Variants in PLCB4 observed in about 807,000 individuals in gnomAD.
PLCB4 encodes phospholipase C beta 4.
A neutral mutation model predicts 178.8 loss-of-function variants in PLCB4; 77 were observed. That is an observed-to-expected ratio of 0.43 (90% confidence interval 0.36 to 0.52). PLCB4 has a LOEUF of 0.52. Ranked by LOEUF, PLCB4 falls within the 20% of genes least tolerant of loss-of-function variation. The pLI is 0.00. For synonymous variants in PLCB4, 496 were observed against 490.8 expected, an observed-to-expected ratio of 1.01 and a Z score of -0.14; for missense variants, 1,024 against 1,453.4, an observed-to-expected ratio of 0.70 and a Z score of 4.80.
chr20:9,220,702 C>A (rs1411565481), intron 3 of PLCB4, among the ~76,000 whole-genome samples: 2 of 152,204 alleles, frequency 1.3e-5, no homozygotes, highest in African/African-American at 4.8e-5. Context: ...GCTCACCAAA[C>A]TTAATGTTGA....
intron 3 of PLCB4, among the ~76,000 whole-genome samples, chr20:9,233,475 G>T (rs1054981760): frequency 6.6e-6 from 1 of 152,150 alleles, no homozygotes; most frequent in African/African-American, 2.4e-5. Flanking sequence ...ATAATTTCAT[G>T]TAGTGATAAA....
intron 2 of PLCB4, among the ~76,000 whole-genome samples, chr20:9,110,468 C>T (rs1164684268): frequency 6.6e-6 from 1 of 152,138 alleles, no homozygotes; most frequent in Non-Finnish European, 1.5e-5. Context: ...ATTATCTCTA[C>T]ACATTTTACA....
chr20:9,302,729 T>A (rs1470087170), intron 3 of PLCB4, among the ~76,000 whole-genome samples: 1 of 152,088 alleles, frequency 6.6e-6, no homozygotes, highest in Non-Finnish European at 1.5e-5. Context: ...GTACCCAAGG[T>A]AGAGATGAAT....
At chr20:9,431,378 TA>T (rs1195706538) in intron 28 of PLCB4, among the ~76,000 whole-genome samples, 1 of 152,160 alleles carries the variant, frequency 6.6e-6, no homozygotes, top group Non-Finnish European at 1.5e-5. Context: ...TGTTTATAAA[TA>T]ACATCACGTT....
intron 1 of PLCB4, among the ~76,000 whole-genome samples, chr20:9,093,915 G>T (rs2090793250): frequency 6.6e-6 from 1 of 151,852 alleles, no homozygotes. Flanking sequence ...CAAATTGCGT[G>T]GTATAATCCA....
chr20:9,327,398 T>C (rs1312140718), intron 4 of PLCB4, among the ~76,000 whole-genome samples: 1 of 149,752 alleles, frequency 6.7e-6, no homozygotes, highest in Non-Finnish European at 1.5e-5. Flanking sequence ...GGTGCTATGA[T>C]TGTACCAGGA....
intron 2 of PLCB4, among the ~76,000 whole-genome samples, chr20:9,116,878 T>C (rs1600519819): frequency 6.6e-6 from 1 of 152,318 alleles, no homozygotes; most frequent in Non-Finnish European, 1.5e-5. Flanking sequence ...CTCTCAAAAA[T>C]TACTTTTTCT....
intron 3 of PLCB4, among the ~76,000 whole-genome samples, chr20:9,236,720 C>T (rs1270865943): frequency 6.6e-6 from 1 of 152,128 alleles, no homozygotes; most frequent in African/African-American, 2.4e-5. Flanking sequence ...TTCAGACAAG[C>T]GGTAGCATTC....
At chr20:9,453,491 T>G in intron 33 of PLCB4, 29 bp downstream of exon 33, 2 of 1,280,522 alleles carry the variant, frequency 1.6e-6, no homozygotes, top group Admixed American at 3.5e-5. Flanking sequence ...TTCTGAAGAC[T>G]TTCTCTATGT....
intron 3 of PLCB4, among the ~76,000 whole-genome samples, chr20:9,230,123 A>T (rs1008082107): frequency 6.6e-6 from 1 of 152,072 alleles, no homozygotes; most frequent in Non-Finnish European, 1.5e-5. Flanking sequence ...CTTTGTCCTC[A>T]CATGGTGTTT....
chr20:9,365,617 A>C, intron 9 of PLCB4, 103 bp downstream of exon 9: 1 of 606,634 alleles, frequency 1.6e-6, no homozygotes, highest in Non-Finnish European at 2.9e-6. Flanking sequence ...AAATGCTTTA[A>C]AGATATTTCT....
At chr20:9,130,128 T>C (rs1490184731) in intron 2 of PLCB4, among the ~76,000 whole-genome samples, 1 of 152,170 alleles carries the variant, frequency 6.6e-6, no homozygotes, top group South Asian at 2.1e-4. Context: ...CAGCCGACAA[T>C]GTAAGTCAGA....
intron 7 of PLCB4, among the ~76,000 whole-genome samples, chr20:9,350,146 A>T (rs1242291260): frequency 6.6e-6 from 1 of 152,126 alleles, no homozygotes; most frequent in African/African-American, 2.4e-5. Context: ...GATGTTTAAA[A>T]AATAAATTTA....
intron 27 of PLCB4, among the ~76,000 whole-genome samples, chr20:9,421,861 A>G (rs1182801764): frequency 1.8e-4 from 28 of 152,326 alleles, no homozygotes; most frequent in Middle Eastern, 3.4e-3. Flanking sequence ...ATGTCACTAC[A>G]TGGGTCAGTT....
At chr20:9,393,207 T>A (rs1417166433) in intron 17 of PLCB4, among the ~76,000 whole-genome samples, 1 of 152,104 alleles carries the variant, frequency 6.6e-6, no homozygotes, top group East Asian at 1.9e-4. Context: ...GGCCTCTCAC[T>A]TGGGAAAGCT....
chr20:9,150,788 G>A (rs1238267356), intron 2 of PLCB4, among the ~76,000 whole-genome samples: 1 of 152,160 alleles, frequency 6.6e-6, no homozygotes. Flanking sequence ...GACGATTTAA[G>A]CAGCAGTAGG....
chr20:9,098,128 C>T (rs2146610536), intron 2 of PLCB4, among the ~76,000 whole-genome samples: 1 of 151,896 alleles, frequency 6.6e-6, no homozygotes, highest in East Asian at 1.9e-4. Context: ...TTTTTTTTCT[C>T]AGATTATTTA....
At chr20:9,258,405 G>A (rs1332742812) in intron 3 of PLCB4, among the ~76,000 whole-genome samples, 1 of 152,078 alleles carries the variant, frequency 6.6e-6, no homozygotes, top group Admixed American at 6.6e-5. Flanking sequence ...TGGGAGTGGG[G>A]TGGAAAGTTG....
At chr20:9,221,296 T>C (rs1375216022) in intron 3 of PLCB4, among the ~76,000 whole-genome samples, 8 of 152,216 alleles carry the variant, frequency 5.3e-5, no homozygotes. Flanking sequence ...AGTCACTGAC[T>C]GTGGGCAGGT....
Sources: gnomAD v4.1 joint callset for allele counts (sites outside exome capture counted in the v4.1 genomes callset) on GRCh38, gnomAD v4.1.1 for gene constraint, MANE v1.5 for transcripts, NCBI Gene and HGNC (gene_info 2026-07-23, HGNC 2026-07-21) for gene names.